SCNN1B: variants seen among roughly 807,000 people sequenced by gnomAD.
The protein encoded by SCNN1B is sodium channel epithelial 1 subunit beta, also known as epithelial sodium channel subunit beta.
Under a neutral mutation model 65.3 loss-of-function variants are expected in SCNN1B, and 46 were observed. The observed-to-expected ratio is 0.70, with a 90% confidence interval of 0.56 to 0.90. The LOEUF is 0.90. Among genes scored for constraint, SCNN1B ranks in the 40% least tolerant of loss-of-function variants. The pLI, the probability that SCNN1B is intolerant of heterozygous loss-of-function variation, is 0.00. For missense variants in SCNN1B, 751 were observed against 830.5 expected (o/e 0.90, Z 1.18); for synonymous variants, 349 against 330.6 (o/e 1.06, Z -0.60).
At chr16:23,369,347 G>A (rs1159550808) in intron 5 of SCNN1B, among the ~76,000 whole-genome samples, 1 of 152,174 alleles carries the variant, frequency 6.6e-6, no homozygotes, top group Non-Finnish European at 1.5e-5. Flanking sequence ...GCCTCTCAAA[G>A]TACTGGGATT....
chr16:23,358,224 G>C (rs951975749), intron 4 of SCNN1B: 1 of 152,210 alleles, frequency 6.6e-6, no homozygotes, highest in Admixed American at 6.5e-5. Context: ...AGGGACGGGT[G>C]GTCCCCCAAG....
At chr16:23,333,242 T>C (rs540469473) in intron 1 of SCNN1B, among the ~76,000 whole-genome samples, 3 of 151,680 alleles carry the variant, frequency 2.0e-5, no homozygotes, top group Admixed American at 6.6e-5. Context: ...TGCTGAAGCA[T>C]AGATGGCCAC....
chr16:23,283,769 C>T (rs1252441110), exon 2 of SCNN1B: 2 of 152,162 alleles, frequency 1.3e-5, no homozygotes, highest in Non-Finnish European at 2.9e-5. Context: ...GTGAAGCAAT[C>T]CTGGACTCAG....
At position 23,305,554 on chromosome 16, in the gene SCNN1B, A is replaced by AAATAT. The variant is rs1215930437; in HGVS notation, c.-9+3117_-9+3118insAATAT. ...ATATATTATATATATATATATATAT[A>AAATAT]TATATATATATATATATATATATTA... On this transcript the variant is annotated intron_variant, in intron 1 of 12. Coordinates refer to ENST00000343070, the MANE Select transcript of SCNN1B (RefSeq NM_000336.3). 2.6e-4 allele frequency among the ~76,000 whole-genome samples: 10 copies of AAATAT among 38,800 alleles called. No homozygotes were observed. In the African/African-American group the frequency reaches 3.2e-3, roughly 13 times the overall value. 25.5% of individuals were successfully genotyped at this position (38,800 alleles called of 152,430 possible).
At position 23,380,458 on chromosome 16, in the gene SCNN1B, G is replaced by C. The variant is rs777986991; in HGVS notation, c.1580G>C (p.Gly527Ala). 2 of 1,614,224 alleles carry C rather than the reference G, an allele frequency of 1.2e-6. No homozygotes were observed. Among genetic ancestry groups the C allele is most frequent in the East Asian group, 2.2e-5 (1 of 44,880 alleles). ...CTCTCGAATCTGGGTGGCCAGTTTG[G>C]CTTCTGGATGGGGGGCTCTGTGCTG... ...WLLSNLGGQFGFWMGGSVLCL... is the reference protein window; with the variant it reads ...WLLSNLGGQFAFWMGGSVLCL... The change falls in exon 13 of 13, where the codon GGC (glycine) becomes GCC (alanine). Residue 527 changes from glycine (G) to alanine (A), a missense_variant. Transcript: ENST00000343070. This position sits in a 1 kb window ranked among gnomAD's most constrained non-coding sequence, Gnocchi z 5.4.
chr16:23,279,649 G>T (rs1960756522), intron 1 of SCNN1B, among the ~76,000 whole-genome samples: 1 of 152,160 alleles, frequency 6.6e-6, no homozygotes, highest in African/African-American at 2.4e-5. Context: ...CTTCTTTTTT[G>T]AAGAGGACAG....
At chr16:23,355,181 CA>C (rs1268443744) in intron 3 of SCNN1B, 117 bp from the exon 4 acceptor site, 38 of 973,862 alleles carry the variant, frequency 3.9e-5, no homozygotes, top group Admixed American at 2.2e-4. Context: ...CACCAAGTTG[CA>C]GCCAGAAAGG....
In SCNN1B at chr16:23,348,607, TGAA is replaced by T. The variant is rs1389731265; in HGVS notation, c.13_15del (p.Lys5del). 3.1e-6 allele frequency: 5 copies of T among 1,612,808 alleles called. No individual in the cohort carries two copies. The highest frequency in any genetic ancestry group is 1.1e-5 in the South Asian group (1 of 91,022). ...CTCTCTGCAGGTGCCACTATGCACG[TGAA>T]GAAGTACCTGCTGAAGGGCCTGCAT... On this transcript the variant is annotated inframe_deletion, in exon 2 of 13. Transcript: ENST00000343070. The surrounding 1 kb of genome is among the most constrained non-coding windows in gnomAD (Gnocchi z 4.5).
intron 1 of SCNN1B, among the ~76,000 whole-genome samples, chr16:23,279,177 A>G (rs1474790047): frequency 1.3e-5 from 2 of 151,952 alleles, no homozygotes. Flanking sequence ...CCCGGGTTCA[A>G]GCAATTCTCC....
intron 11 of SCNN1B, among the ~76,000 whole-genome samples, chr16:23,379,168 G>GCC (rs946578297): frequency 2.3e-5 from 3 of 128,002 alleles, no homozygotes; most frequent in African/African-American, 9.9e-5. Context: ...CACCCACGCA[G>GCC]CCAGCCATCC....
chr16:23,337,777 A>G (rs534811024), intron 1 of SCNN1B, among the ~76,000 whole-genome samples: 7 of 152,140 alleles, frequency 4.6e-5, no homozygotes, highest in African/African-American at 1.4e-4. Context: ...AAACATTTAA[A>G]ACATATAGGC....
intron 1 of SCNN1B, among the ~76,000 whole-genome samples, chr16:23,325,887 T>TAATAAATAAATA (rs1555485521): frequency 6.6e-4 from 82 of 124,260 alleles, no homozygotes; most frequent in East Asian, 2.2e-3. Context: ...ACCCTGTCTC[T>TAATAAATAAATA]AATAAATAAA....
upstream of SCNN1B, among the ~76,000 whole-genome samples, chr16:23,300,622 G>C (rs1048283721): frequency 6.6e-6 from 1 of 151,950 alleles, no homozygotes; most frequent in Non-Finnish European, 1.5e-5. Flanking sequence ...GATTGCTTGA[G>C]GCCAGGTATT....
chr16:23,343,641 A>AAGAAAG (rs1168495500), intron 1 of SCNN1B, among the ~76,000 whole-genome samples: 2 of 135,518 alleles, frequency 1.5e-5, no homozygotes, highest in Non-Finnish European at 3.2e-5. Context: ...GAAAGAAAGA[A>AAGAAAG]AGAAAGAAAA....
chr16:23,290,286 C>T (rs1401866588), intron 2 of SCNN1B, among the ~76,000 whole-genome samples: 1 of 152,134 alleles, frequency 6.6e-6, no homozygotes, highest in Non-Finnish European at 1.5e-5. Flanking sequence ...TTATTATTAG[C>T]AACACTTATG....
At chr16:23,371,917 C>A (rs1424289903) in intron 7 of SCNN1B, 34 bp downstream of exon 7, 1 of 1,516,602 alleles carries the variant, frequency 6.6e-7, no homozygotes, top group Non-Finnish European at 9.2e-7. Flanking sequence ...TGCCCCGGGG[C>A]CCCTGTCCGG....
chr16:23,302,034 G>A (rs1961094560), upstream of SCNN1B, among the ~76,000 whole-genome samples: 1 of 152,120 alleles, frequency 6.6e-6, no homozygotes, highest in Non-Finnish European at 1.5e-5. Context: ...GGGACGTGGG[G>A]TACACTCGGA....
At chr16:23,283,188 A>C (rs1960805510) in intron 1 of SCNN1B, among the ~76,000 whole-genome samples, 1 of 152,346 alleles carries the variant, frequency 6.6e-6, no homozygotes, top group African/African-American at 2.4e-5. Flanking sequence ...AGGCAGGTGG[A>C]TCACTTGAGG....
chr16:23,297,384 C>T (rs1961013171), upstream of SCNN1B, among the ~76,000 whole-genome samples: 3 of 152,192 alleles, frequency 2.0e-5, no homozygotes, highest in Admixed American at 6.5e-5. Flanking sequence ...TCACCAGAAT[C>T]GGCCAGGAGT....
Sources: gnomAD v4.1 joint callset for allele counts (sites outside exome capture counted in the v4.1 genomes callset) on GRCh38, gnomAD v4.1.1 for gene constraint, Gnocchi (gnomAD v3.1) non-coding constraint, MANE v1.5 for transcripts, NCBI Gene and HGNC (gene_info 2026-07-23, HGNC 2026-07-21) for gene names.